CYB561: variants seen among roughly 807,000 people sequenced by gnomAD.
The protein encoded by CYB561 is transmembrane ascorbate-dependent reductase CYB561.
CYB561 carries 11 observed loss-of-function variants against 25.3 expected under a neutral mutation model. The observed-to-expected ratio is 0.44, with a 90% CI of 0.27 to 0.72. CYB561 has a LOEUF of 0.72. Ranked by LOEUF, CYB561 falls within the 30% of genes least tolerant of loss-of-function variation. The probability of loss-of-function intolerance (pLI) is 0.18; values close to 1 mark genes in which losing one functional copy is unlikely to be tolerated. For missense variants in CYB561, 295 were observed against 334.9 expected (o/e 0.88, Z 0.93); for synonymous variants, 165 against 158.8 (o/e 1.04, Z -0.29).
Position 63,437,346 on chromosome 17 carries a change from C to T in CYB561, c.202G>A (p.Ala68Thr). The change falls in exon 2 of 6, where the codon GCC becomes ACC. Residue 68 changes from alanine (A) to threonine (T), a missense_variant and splice_region_variant. Transcript: ENST00000360793. ...VIGLIFLQGN[A>T]LLVYRVFRNE... ...AAGAGGAGCGGCCCATGGGACTCACCATTTCCCTGCAGGAAGATCAGGCCT... is the reference window on the plus strand; with the variant it reads ...AAGAGGAGCGGCCCATGGGACTCACTATTTCCCTGCAGGAAGATCAGGCCT... 6.2e-7 allele frequency: 1 copy of T among 1,612,546 alleles called. No homozygotes were observed. The highest frequency in any genetic ancestry group is 8.5e-7 in the Non-Finnish European group (1 of 1,178,762).
At chr17:63,438,697 G>A (rs1269329676) in intron 1 of CYB561, among the ~76,000 whole-genome samples, 2 of 152,138 alleles carry the variant, frequency 1.3e-5, no homozygotes, top group Admixed American at 6.5e-5. Flanking sequence ...CCAGGTGCTC[G>A]GCCCCACGTG....
chr17:63,443,191 G>C (rs1383030543), intron 1 of CYB561, among the ~76,000 whole-genome samples: 1 of 152,188 alleles, frequency 6.6e-6, no homozygotes, highest in Non-Finnish European at 1.5e-5. Context: ...AGTAGCCCCA[G>C]GAAGAAGGGG....
chr17:63,445,924 A>T (rs1304584589), intron 1 of CYB561: 4 of 152,338 alleles, frequency 2.6e-5, no homozygotes, highest in Non-Finnish European at 5.9e-5. Flanking sequence ...GCGCAGGAGC[A>T]AAGATCCAAA....
rs1308299375 is a variant in CYB561 at position 63,435,927 on chromosome 17, C to A, written c.301+127G>T. 3 of 1,589,946 alleles carry A rather than the reference C, an allele frequency of 1.9e-6. No homozygotes were observed. The African/African-American group carries it at 4.0e-5, about 21-fold the overall frequency. On this transcript the variant is annotated intron_variant, in intron 3 of 5. Coordinates refer to ENST00000360793, the MANE Select transcript of CYB561 (RefSeq NM_001915.4). Reference sequence around the variant, plus strand: ...GGGCTGCCAGCACCTAGTGGCCCTGCAGGGGATGTTTGGGGTGGGGGCGGG... The same window carrying A: ...GGGCTGCCAGCACCTAGTGGCCCTGAAGGGGATGTTTGGGGTGGGGGCGGG...
intron 5 of CYB561, 95 bp downstream of exon 5, chr17:63,434,991 G>GCGGCTCAGGAAGCCA: frequency 7.4e-7 from 1 of 1,342,506 alleles, no homozygotes; most frequent in Non-Finnish European, 1.0e-6. Context: ...GCCACGAGAG[G>GCGGCTCAGGAAGCCA]CGGCTCAGGA....
intron 1 of CYB561, among the ~76,000 whole-genome samples, chr17:63,444,232 G>A (rs532295637): frequency 3.5e-4 from 54 of 152,300 alleles, no homozygotes; most frequent in Non-Finnish European, 4.3e-4. Context: ...GACGGGGCCC[G>A]TGAAGGCCAG....
At position 63,438,094 on chromosome 17, in the gene CYB561, C is replaced by T. The variant is rs769415380; in HGVS notation, c.-13-534G>A. 5 of 1,533,868 alleles carry T rather than the reference C, an allele frequency of 3.3e-6. No individual in the cohort carries two copies. In the South Asian group the frequency reaches 6.0e-5, roughly 18 times the overall value. On this transcript the variant is annotated intron_variant, in intron 1 of 5. Transcript: ENST00000360793. ...CTCGGGAGTGGCTGGGGGGAGGGGC[C>T]CAGCCTCCCCACGGGGACAGGCGTG... is the stretch of plus-strand genomic sequence containing the variant.
Position 63,436,063 on chromosome 17 carries a change from C to A in CYB561, c.292G>T (p.Ala98Ser). The change falls in exon 3 of 6, where the codon GCC becomes TCC. Residue 98 changes from alanine (A) to serine (S), a missense_variant. Transcript: ENST00000360793. The surrounding 1 kb of genome is among the most constrained non-coding windows in gnomAD (Gnocchi z 4.8). ...GCGCCCGGGAACTCACCAACCAGGG[C>A]GATGACGAGCGCAAAGATGTGCAGC... ...GLLHIFALVI[A>S]LVGLVAVFDY... 6.2e-7 allele frequency: 1 copy of A among 1,614,154 alleles called. No individual in the cohort carries two copies. The highest frequency in any genetic ancestry group is 1.1e-5 in the South Asian group (1 of 91,088).
chr17:63,439,276 C>G (rs1299159909), intron 1 of CYB561: 1 of 152,224 alleles, frequency 6.6e-6, no homozygotes, highest in African/African-American at 2.4e-5. Flanking sequence ...TGGCTCACAC[C>G]TATAATCCCA....
chr17:63,437,642 CA>C (rs1287979176), intron 1 of CYB561, 82 bp from the exon 2 acceptor site: 3 of 1,076,018 alleles, frequency 2.8e-6, no homozygotes, highest in Admixed American at 2.4e-5. Flanking sequence ...CACAGCCCCC[CA>C]AGATGCGCAC....
Position 63,435,115 on chromosome 17 carries a change from G to C in CYB561, c.534C>G (p.Gly178=), listed in dbSNP as rs775232995. The change falls in exon 5 of 6, where the codon GGC becomes GGG. Residue 178 remains glycine (G), a synonymous_variant. Transcript: ENST00000360793. The part of the protein sequence containing the change: ...FLLSVGTALL[G]LKEALLFNLG... ...GGTTGAACAGCAGTGCCTCCTTCAG[G>C]CCCAGCAGGGCGGTGCCCACGGAAA... The C allele has an allele frequency of 3.7e-6, 6 of 1,614,052 alleles. No individual in the cohort carries two copies. Among genetic ancestry groups the C allele is most frequent in the Non-Finnish European group, 5.1e-6 (6 of 1,180,000 alleles).
rs186905320 is a variant in CYB561 at position 63,436,298 on chromosome 17, C to A, written c.203-146G>T. ...TAGCTGCAGGAACCGGAGGAGAAAG[C>A]CAGGTTCCCTGGGGACCCTGGGCAG... is the stretch of plus-strand genomic sequence containing the variant. On this transcript the variant is annotated intron_variant, in intron 2 of 5. Transcript: ENST00000360793. The surrounding 1 kb of genome is among the most constrained non-coding windows in gnomAD (Gnocchi z 4.8). The A allele has an allele frequency of 1.7e-3, 1,828 of 1,100,012 alleles. 3 individuals carry two copies. The highest frequency in any genetic ancestry group is 2.4e-3 in the Admixed American group (92 of 39,026). The allele number at this position is 1,100,012 out of a possible 1,614,324, so 68.1% of individuals were successfully genotyped here. A position where few individuals can be genotyped will look rare whatever the true frequency, so the allele number is the denominator to read the frequency against.
At position 63,434,314 on chromosome 17, in the gene CYB561, C is replaced by A. The variant is rs2049267921; in HGVS notation, c.*88G>T. 3 of 1,255,392 alleles carry A rather than the reference C, an allele frequency of 2.4e-6. No individual in the cohort carries two copies. In the African/African-American group the frequency reaches 4.5e-5, roughly 19 times the overall value. The allele number at this position is 1,255,392 out of a possible 1,614,324, so 77.8% of individuals were successfully genotyped here. On this transcript the variant is annotated 3_prime_UTR_variant, in exon 6 of 6. Coordinates refer to ENST00000360793, the MANE Select transcript of CYB561 (RefSeq NM_001915.4). ...CCCACGCGCCCGCCTGCTGCCAGAG[C>A]CACTCTCCGGAGCCTGCAGTCCTGA... is the stretch of plus-strand genomic sequence containing the variant.
At chr17:63,438,421 C>A in intron 1 of CYB561, 2 of 542,264 alleles carry the variant, frequency 3.7e-6, no homozygotes, top group Admixed American at 3.2e-5. Context: ...CCTCCCCACC[C>A]CACACCCAGG....
rs185726575 is a variant in CYB561, at chr17:63,437,118, C to A, written c.202+228G>T. On this transcript the variant is annotated intron_variant, in intron 2 of 5. Coordinates refer to ENST00000360793, the MANE Select transcript of CYB561 (RefSeq NM_001915.4). The stretch of plus-strand genomic sequence containing the variant: ...CCGCCTTGGATGCTGTGTGTGGAAA[C>A]GAGGTGAAAATGCTGGACCAGGCTG... 6.5e-4 allele frequency: 365 copies of A among 557,880 alleles called. 5 individuals are homozygous for A. The East Asian group carries it at 9.6e-3, about 15-fold the overall frequency. 34.6% of individuals were successfully genotyped at this position (557,880 alleles called of 1,614,324 possible). A position where few individuals can be genotyped will look rare whatever the true frequency, so the allele number is the denominator to read the frequency against.
At chr17:63,437,983 C>A in intron 1 of CYB561, 3 of 769,672 alleles carry the variant, frequency 3.9e-6, no homozygotes, top group Non-Finnish European at 5.9e-6. Flanking sequence ...CCGCCACCCT[C>A]CCCCGAGGCT....
At chr17:63,438,174 C>A (rs1168458741) in intron 1 of CYB561, 6 of 1,535,658 alleles carry the variant, frequency 3.9e-6, no homozygotes, top group Non-Finnish European at 5.2e-6. Flanking sequence ...AGGAAAGATA[C>A]CCCAAATTCT....
rs1336907416 is a variant in CYB561, at chr17:63,436,695, C to G, written c.203-543G>C. 6.2e-6 allele frequency: 1 copy of G among 161,222 alleles called. No homozygotes were observed. The highest frequency in any genetic ancestry group is 1.4e-5 in the Non-Finnish European group (1 of 72,824). The allele number at this position is 161,222 out of a possible 1,614,324, so 10.0% of individuals were successfully genotyped here. ...TGGTCCTACTCCTAGCAAGCAGGCG[C>G]CTGGCTCCCAAGCAGAACCTTGTGA... On this transcript the variant is annotated intron_variant, in intron 2 of 5. Coordinates refer to ENST00000360793, the MANE Select transcript of CYB561 (RefSeq NM_001915.4). The surrounding 1 kb of genome is among the most constrained non-coding windows in gnomAD (Gnocchi z 4.8).
At chr17:63,444,109 C>T (rs573531146) in intron 1 of CYB561, among the ~76,000 whole-genome samples, 34 of 152,196 alleles carry the variant, frequency 2.2e-4, no homozygotes, top group East Asian at 9.7e-4. Context: ...TCAGACTCCC[C>T]GAGTCTGGGA....
Sources: gnomAD v4.1 joint callset for allele counts (sites outside exome capture counted in the v4.1 genomes callset) on GRCh38, gnomAD v4.1.1 for gene constraint, Gnocchi (gnomAD v3.1) non-coding constraint, MANE v1.5 for transcripts, NCBI Gene and HGNC (gene_info 2026-07-23, HGNC 2026-07-21) for gene names.